Variants in GRAMD1B observed in about 807,000 individuals in gnomAD.
GRAMD1B encodes the protein protein Aster-B.
Under a neutral mutation model 99.7 loss-of-function variants are expected in GRAMD1B, and 37 were observed. The ratio of observed to expected loss-of-function variants is 0.37; its 90% CI spans 0.29 to 0.49. The LOEUF is 0.49. GRAMD1B is among the 20% of genes least tolerant of loss of function. GRAMD1B has a pLI of 0.98. For synonymous variants in GRAMD1B, 427 were observed against 387.6 expected, an observed-to-expected ratio of 1.10 and a Z score of -1.19; for missense variants, 888 against 1,009.2, an observed-to-expected ratio of 0.88 and a Z score of 1.63.
At position 123,409,380 on chromosome 11, in the gene GRAMD1B, C is replaced by T. The variant is rs1384022523; in HGVS notation, c.-176+50581C>T. ...TCTCAAAGGGCTGTGTACATACAGA[C>T]GTTGGCGTTTATGTTGGTAACTGTG... On this transcript the variant is annotated intron_variant, in intron 1 of 20. Coordinates refer to the GRAMD1B transcript ENST00000638157. Among the ~76,000 whole-genome samples, 6 of 152,136 alleles carry T rather than the reference C, an allele frequency of 3.9e-5. No individual in the cohort carries two copies. The East Asian group carries it at 1.2e-3, about 29-fold the overall frequency.
At chr11:123,555,172 A>G (rs1946053627) in intron 2 of GRAMD1B, among the ~76,000 whole-genome samples, 1 of 152,184 alleles carries the variant, frequency 6.6e-6, no homozygotes, top group South Asian at 2.1e-4. Context: ...CAAGGCAGGG[A>G]AAAGAAGGGT....
intron 2 of GRAMD1B, chr11:123,526,082 C>G: frequency 7.2e-7 from 1 of 1,385,076 alleles, no homozygotes; most frequent in Non-Finnish European, 1.0e-6. Flanking sequence ...TCCAATATGT[C>G]CTGGGACCTC....
At chr11:123,528,212 T>C (rs1942998539) in intron 2 of GRAMD1B, among the ~76,000 whole-genome samples, 1 of 152,144 alleles carries the variant, frequency 6.6e-6, no homozygotes, top group South Asian at 2.1e-4. Flanking sequence ...CTGGTACTGG[T>C]ACTCAGGGTA....
At chr11:123,466,357 GGAAGGAAGGAA>G (rs2134575694) in intron 1 of GRAMD1B, among the ~76,000 whole-genome samples, 1 of 92,536 alleles carries the variant, frequency 1.1e-5, no homozygotes, top group African/African-American at 5.0e-5. Flanking sequence ...AAGGAAAGAA[GGAAGGAAGGAA>G]AAAGAAAGAG....
chr11:123,475,491 G>T (rs1226111741), intron 1 of GRAMD1B, among the ~76,000 whole-genome samples: 1 of 152,138 alleles, frequency 6.6e-6, no homozygotes, highest in East Asian at 1.9e-4. Context: ...TTTATACAGT[G>T]AATTTTATCT....
At chr11:123,617,169 C>CTTTTTTTTTT (rs34788392) in intron 17 of GRAMD1B, among the ~76,000 whole-genome samples, 21 of 133,666 alleles carry the variant, frequency 1.6e-4, no homozygotes, top group Non-Finnish European at 1.4e-4. Context: ...TCTTTCTTTC[C>CTTTTTTTTTT]TTTTTTTTTT....
In GRAMD1B at chr11:123,418,394, A is replaced by G. The variant is rs184106833; in HGVS notation, c.-176+59595A>G. Among the ~76,000 whole-genome samples the G allele has an allele frequency of 2.4e-3, 372 of 152,290 alleles. 1 individual carries two copies. The highest frequency in any genetic ancestry group is 4.0e-3 in the Non-Finnish European group (273 of 68,030). ...AGCTGGGGGCCTTACCAGTAGGAGAAAGAGGATTGACTGAACTCCGATTCA... is the reference window on the plus strand; with the variant it reads ...AGCTGGGGGCCTTACCAGTAGGAGAGAGAGGATTGACTGAACTCCGATTCA... On this transcript the variant is annotated intron_variant, in intron 1 of 20. Transcript: ENST00000638157.
At chr11:123,420,504 G>A (rs1045895954) in intron 1 of GRAMD1B, among the ~76,000 whole-genome samples, 7 of 152,100 alleles carry the variant, frequency 4.6e-5, no homozygotes, top group African/African-American at 1.4e-4. Flanking sequence ...TAAATATTTG[G>A]GATAGTGCAT....
intron 2 of GRAMD1B, among the ~76,000 whole-genome samples, chr11:123,535,204 A>G (rs1051738045): frequency 6.6e-6 from 1 of 151,932 alleles, no homozygotes; most frequent in African/African-American, 2.4e-5. Flanking sequence ...AGAGCTTTAG[A>G]AATTACAATC....
intron 1 of GRAMD1B, among the ~76,000 whole-genome samples, chr11:123,425,188 C>T (rs1450846968): frequency 6.6e-6 from 1 of 152,154 alleles, no homozygotes; most frequent in Non-Finnish European, 1.5e-5. Context: ...GGAAACAGGT[C>T]CAAAACTCAG....
At chr11:123,417,215 A>C (rs1772862981) in intron 1 of GRAMD1B, among the ~76,000 whole-genome samples, 1 of 152,166 alleles carries the variant, frequency 6.6e-6, no homozygotes, top group African/African-American at 2.4e-5. Context: ...TCTACTAAAA[A>C]TACAAAAATT....
At chr11:123,494,904 C>G (rs1408876323) in intron 2 of GRAMD1B, among the ~76,000 whole-genome samples, 3 of 152,076 alleles carry the variant, frequency 2.0e-5, no homozygotes, top group African/African-American at 7.2e-5. Context: ...CCTTGTACTC[C>G]AGGGTTGAGA....
chr11:123,501,094 G>C (rs1939804933), intron 2 of GRAMD1B, among the ~76,000 whole-genome samples: 1 of 152,162 alleles, frequency 6.6e-6, no homozygotes, highest in Non-Finnish European at 1.5e-5. Context: ...GGCTTAGATT[G>C]TCCACTGTCA....
intron 2 of GRAMD1B, among the ~76,000 whole-genome samples, chr11:123,546,351 T>C (rs79299367): frequency 6.6e-6 from 1 of 152,352 alleles, no homozygotes; most frequent in East Asian, 1.9e-4. Flanking sequence ...GCTTTTATTA[T>C]AACTTCCTGG....
intron 2 of GRAMD1B, among the ~76,000 whole-genome samples, chr11:123,507,573 C>T (rs1005153192): frequency 1.3e-5 from 2 of 152,140 alleles, no homozygotes; most frequent in African/African-American, 4.8e-5. Context: ...TCCCCCTTAC[C>T]TCAATTTGAA....
At chr11:123,593,918 C>T (rs186196327) in intron 4 of GRAMD1B, among the ~76,000 whole-genome samples, 164 bp from the exon 5 acceptor site, 14 of 152,222 alleles carry the variant, frequency 9.2e-5, no homozygotes, top group Admixed American at 2.6e-4. Context: ...TGTGTTTCTC[C>T]ACACCGAGGC....
intron 1 of GRAMD1B, among the ~76,000 whole-genome samples, chr11:123,364,369 G>T (rs149677166): frequency 1.3e-5 from 2 of 152,322 alleles, no homozygotes; most frequent in African/African-American, 4.8e-5. Flanking sequence ...CGTCTCTGAC[G>T]CAGGGAGCGA....
At chr11:123,480,935 A>T (rs1178675024) in intron 2 of GRAMD1B, 42 bp downstream of exon 2, 1 of 396,986 alleles carries the variant, frequency 2.5e-6, no homozygotes, top group Non-Finnish European at 4.4e-6. Flanking sequence ...CAAAGAATAG[A>T]GGGGGTGGGG....
In GRAMD1B at chr11:123,506,397, GT is replaced by G. The variant is rs968086133; in HGVS notation, c.452+25515del. Among the ~76,000 whole-genome samples the G allele has an allele frequency of 3.9e-3, 569 of 146,472 alleles. 7 individuals carry two copies. Among genetic ancestry groups the G allele is most frequent in the Non-Finnish European group, 6.0e-3 (395 of 66,246 alleles). On this transcript the variant is annotated intron_variant, in intron 2 of 19. Coordinates refer to ENST00000635736, the MANE Select transcript of GRAMD1B (RefSeq NM_001387025.1). ...GCCTCTTTTCAAAAGCATGTTTTTT[GT>G]TTTTTTTTTTCTGTCTCTCTTTAAC...
Sources: gnomAD v4.1 joint callset for allele counts (sites outside exome capture counted in the v4.1 genomes callset) on GRCh38, gnomAD v4.1.1 for gene constraint, MANE v1.5 for transcripts, NCBI Gene and HGNC (gene_info 2026-07-23, HGNC 2026-07-21) for gene names.